SLC25A48: variants seen among roughly 807,000 people sequenced by gnomAD.
The protein encoded by SLC25A48 is solute carrier family 25 member 48.
SLC25A48 carries 29 observed loss-of-function variants against 32.2 expected under a neutral mutation model. That is an observed-to-expected ratio of 0.90 (90% CI 0.67 to 1.23). The LOEUF (loss-of-function observed/expected upper bound fraction) is 1.23. SLC25A48 is among the 50% of genes most tolerant of loss of function. The pLI, the probability that SLC25A48 is intolerant of heterozygous loss-of-function variation, is 0.00. For missense variants in SLC25A48, 399 were observed against 422.7 expected (o/e 0.94, Z 0.49); for synonymous variants, 164 against 172.3 (o/e 0.95, Z 0.38).
chr5:135,747,549 C>T (rs1158776096), intron 3 of SLC25A48, among the ~76,000 whole-genome samples: 9 of 152,040 alleles, frequency 5.9e-5, no homozygotes, highest in Admixed American at 2.0e-4. Flanking sequence ...GTCATTTCTT[C>T]GGGGAGCCTT....
chr5:135,603,956 T>A (rs1751867638), intron 1 of SLC25A48, among the ~76,000 whole-genome samples: 1 of 152,062 alleles, frequency 6.6e-6, no homozygotes, highest in Non-Finnish European at 1.5e-5. Context: ...GCCAGTGAAA[T>A]GAGTACAGGG....
intron 3 of SLC25A48, among the ~76,000 whole-genome samples, chr5:135,675,254 G>A (rs576019721): frequency 9.1e-4 from 138 of 152,136 alleles, no homozygotes; most frequent in Non-Finnish European, 1.6e-3. Context: ...TCCATTGTTA[G>A]ATGAATAGTT....
intron 1 of SLC25A48, among the ~76,000 whole-genome samples, chr5:135,601,875 G>A (rs1027307736): frequency 5.9e-5 from 9 of 152,178 alleles, no homozygotes; most frequent in Admixed American, 5.9e-4. Context: ...CAGTGACCCC[G>A]GGTGGTCACT....
At chr5:135,592,349 C>T (rs1025369347) in intron 1 of SLC25A48, among the ~76,000 whole-genome samples, 3 of 152,166 alleles carry the variant, frequency 2.0e-5, no homozygotes, top group Non-Finnish European at 4.4e-5. Context: ...CAGGAGTGCT[C>T]TTCCATTCCT....
At chr5:135,639,784 T>C (rs1752791000) in intron 3 of SLC25A48, among the ~76,000 whole-genome samples, 1 of 152,058 alleles carries the variant, frequency 6.6e-6, no homozygotes, top group Non-Finnish European at 1.5e-5. Context: ...AACTCAGCAA[T>C]ATCAAGAGGA....
At chr5:135,861,173 A>G (rs1760753181) in intron 4 of SLC25A48, among the ~76,000 whole-genome samples, 2 of 152,204 alleles carry the variant, frequency 1.3e-5, no homozygotes, top group African/African-American at 2.4e-5. Flanking sequence ...TGATCATGCT[A>G]TATGGACAAT....
intron 6 of SLC25A48, among the ~76,000 whole-genome samples, chr5:135,877,994 G>A (rs1196135179): frequency 6.6e-6 from 1 of 152,198 alleles, no homozygotes; most frequent in Admixed American, 6.5e-5. Flanking sequence ...GTGCAAGGGA[G>A]AGCATGTGGG....
intron 3 of SLC25A48, among the ~76,000 whole-genome samples, chr5:135,796,252 A>ATTTTTC: frequency 6.6e-6 from 1 of 151,314 alleles, no homozygotes; most frequent in South Asian, 2.1e-4. Flanking sequence ...GGGGGAGTAC[A>ATTTTTC]TCACGCCGCG....
chr5:135,783,328 A>G (rs1228189881), intron 3 of SLC25A48, among the ~76,000 whole-genome samples: 1 of 114,038 alleles, frequency 8.8e-6, no homozygotes, highest in Non-Finnish European at 2.2e-5. Flanking sequence ...GGGGTGTACA[A>G]TCCCCACTGT....
upstream of SLC25A48, among the ~76,000 whole-genome samples, chr5:135,830,980 C>G (rs564875077): frequency 6.6e-6 from 1 of 152,124 alleles, no homozygotes. Context: ...GCAACCAGGT[C>G]GTGACCTCCT....
intron 3 of SLC25A48, among the ~76,000 whole-genome samples, chr5:135,764,062 C>A (rs1457247092): frequency 6.6e-6 from 1 of 151,970 alleles, no homozygotes; most frequent in Non-Finnish European, 1.5e-5. Context: ...TTCATAATAT[C>A]CAGGAAGAAA....
intron 3 of SLC25A48, among the ~76,000 whole-genome samples, chr5:135,764,920 G>A (rs1312586153): frequency 1.3e-5 from 2 of 151,504 alleles, no homozygotes; most frequent in African/African-American, 2.4e-5. Flanking sequence ...TAATATCTAG[G>A]AGAAGAGAGA....
chr5:135,830,466 G>T (rs34134222), upstream of SLC25A48, among the ~76,000 whole-genome samples: 20,897 of 152,190 alleles, frequency 0.14, 1,810 homozygotes, highest in East Asian at 0.43. Context: ...AGCCCAGGCA[G>T]CCCAGCTTTC....
In SLC25A48 at chr5:135,757,509, C is replaced by T. The variant is rs184085671; in HGVS notation, c.-520-55014C>T. ...ATCATCTATATGATATTTATAATGT[C>T]TACTGTTAACACACTATATTGATAA... On this transcript the variant is annotated intron_variant, in intron 3 of 10. Transcript: ENST00000646290. Among the ~76,000 whole-genome samples, 854 of 149,232 alleles carry T rather than the reference C, an allele frequency of 5.7e-3. 5 individuals are homozygous for T. Among genetic ancestry groups the T allele is most frequent in the Non-Finnish European group, 8.1e-3 (544 of 67,204 alleles).
At chr5:135,790,187 A>C (rs980802318) in intron 3 of SLC25A48, among the ~76,000 whole-genome samples, 2 of 151,828 alleles carry the variant, frequency 1.3e-5, no homozygotes, top group Non-Finnish European at 2.9e-5. Flanking sequence ...GATATTATTC[A>C]TAATAATCTA....
At chr5:135,739,490 CTT>C (rs749640205) in intron 3 of SLC25A48, among the ~76,000 whole-genome samples, 2 of 152,178 alleles carry the variant, frequency 1.3e-5, no homozygotes, top group Non-Finnish European at 2.9e-5. Context: ...TCTTCTCTCT[CTT>C]GATCCAAGGC....
intron 3 of SLC25A48, among the ~76,000 whole-genome samples, chr5:135,644,769 T>C (rs1752919593): frequency 6.6e-6 from 1 of 152,202 alleles, no homozygotes; most frequent in Non-Finnish European, 1.5e-5. Flanking sequence ...ACCATTTTTC[T>C]GCTCATCCTC....
At position 135,784,534 on chromosome 5, in the gene SLC25A48, G is replaced by T. The variant is rs1230516497; in HGVS notation, c.-520-27989G>T. 1.8e-4 allele frequency among the ~76,000 whole-genome samples: 21 copies of T among 117,500 alleles called. 4 individuals are homozygous for T. The highest frequency in any genetic ancestry group is 9.6e-4 in the Admixed American group (11 of 11,502). The allele number at this position is 117,500 out of a possible 152,430, so 77.1% of individuals were successfully genotyped here. A position where few individuals can be genotyped will look rare whatever the true frequency, so the allele number is the denominator to read the frequency against. The stretch of plus-strand genomic sequence containing the variant: ...CCTAATATCAAAAAAGGGAGTTGAT[G>T]ATATTACCCCCAATATTGCAGAAAG... On this transcript the variant is annotated intron_variant, in intron 3 of 10. Transcript: ENST00000646290.
intron 3 of SLC25A48, among the ~76,000 whole-genome samples, chr5:135,647,269 G>T (rs1752986565): frequency 6.6e-6 from 1 of 152,076 alleles, no homozygotes; most frequent in African/African-American, 2.4e-5. Flanking sequence ...ATTTTACTAG[G>T]TTTTTCTACT....
Sources: allele counts gnomAD v4.1 joint callset (sites outside exome capture counted in the v4.1 genomes callset), GRCh38; gene constraint gnomAD v4.1.1; transcripts MANE v1.5; gene names NCBI Gene and HGNC (gene_info 2026-07-23, HGNC 2026-07-21).